KIT: variants seen among roughly 807,000 people sequenced by gnomAD.
The protein encoded by KIT is mast/stem cell growth factor receptor Kit.
Under a neutral mutation model 105.7 loss-of-function variants are expected in KIT, and 16 were observed. The observed-to-expected ratio is 0.15, with a 90% CI of 0.10 to 0.23. The LOEUF (loss-of-function observed/expected upper bound fraction) is 0.23. Ranked by LOEUF, KIT falls within the 10% of genes least tolerant of loss-of-function variation. The pLI is 1.00. For missense variants in KIT, 858 were observed against 1,213.8 expected, an observed-to-expected ratio of 0.71 and a Z score of 4.36; for synonymous variants, 438 against 441.1, an observed-to-expected ratio of 0.99 and a Z score of 0.09.
At chr4:54,706,841 A>G (rs961410108) in intron 5 of KIT, among the ~76,000 whole-genome samples, 4 of 152,164 alleles carry the variant, frequency 2.6e-5, no homozygotes, top group Non-Finnish European at 5.9e-5. Context: ...GACTTTTAAG[A>G]TGGTGATAGA....
At chr4:54,680,291 T>TA (rs1718808872) in intron 1 of KIT, among the ~76,000 whole-genome samples, 1 of 149,248 alleles carries the variant, frequency 6.7e-6, no homozygotes, top group South Asian at 2.1e-4. Context: ...CACTTATCTG[T>TA]GTTTCATTTG....
chr4:54,675,768 A>G (rs1718420228), intron 1 of KIT, among the ~76,000 whole-genome samples: 1 of 152,100 alleles, frequency 6.6e-6, no homozygotes, highest in South Asian at 2.1e-4. Context: ...GCTGTTTTTC[A>G]CTCACTACAA....
rs201405378 is a variant in KIT at position 54,703,901 on chromosome 4, C to T, written c.925+9C>T. 70 of 1,603,234 alleles carry T rather than the reference C, an allele frequency of 4.4e-5. No individual in the cohort carries two copies. In the African/African-American group the frequency reaches 7.4e-4, roughly 17 times the overall value. On this transcript the variant is annotated intron_variant, in intron 5 of 20. Coordinates refer to ENST00000288135, the MANE Select transcript of KIT (RefSeq NM_000222.3). Reference sequence around the variant, plus strand: ...AACCTTGGAAGTAGTAGGTAAATACCTCTATGGGAATGTTTAAATTACTGG... The same window carrying T: ...AACCTTGGAAGTAGTAGGTAAATACTTCTATGGGAATGTTTAAATTACTGG...
intron 1 of KIT, among the ~76,000 whole-genome samples, chr4:54,670,065 C>A (rs1254116315): frequency 6.6e-6 from 1 of 152,156 alleles, no homozygotes; most frequent in Non-Finnish European, 1.5e-5. Context: ...CTTGATTCAA[C>A]AGGTGTTTTT....
intron 3 of KIT, among the ~76,000 whole-genome samples, 187 bp from the exon 4 acceptor site, chr4:54,699,443 T>C (rs1298980743): frequency 6.6e-6 from 1 of 152,178 alleles, no homozygotes; most frequent in Admixed American, 6.5e-5. Flanking sequence ...TCAATTTACT[T>C]GAAGGATGCT....
At chr4:54,709,320 A>G in intron 6 of KIT, 104 bp from the exon 7 acceptor site, 1 of 763,288 alleles carries the variant, frequency 1.3e-6, no homozygotes, top group Non-Finnish European at 2.4e-6. Flanking sequence ...AATGAGTTAT[A>G]TTTTTCCTCA....
chr4:54,690,529 T>A (rs973579405), intron 1 of KIT, among the ~76,000 whole-genome samples: 1 of 152,232 alleles, frequency 6.6e-6, no homozygotes, highest in Admixed American at 6.5e-5. Context: ...TCCAGAGTGT[T>A]GGGTTTTGCC....
chr4:54,707,953 T>C (rs1282944357), intron 6 of KIT, among the ~76,000 whole-genome samples: 3 of 152,172 alleles, frequency 2.0e-5, no homozygotes, highest in Non-Finnish European at 4.4e-5. Flanking sequence ...TAATAAGGGC[T>C]AAGTGCCTGG....
chr4:54,661,824 A>C (rs1717293195), intron 1 of KIT, among the ~76,000 whole-genome samples: 1 of 152,096 alleles, frequency 6.6e-6, no homozygotes, highest in Non-Finnish European at 1.5e-5. Context: ...GTACTTAGAG[A>C]GGAATTGAGT....
chr4:54,669,775 C>G (rs1162228814), intron 1 of KIT, among the ~76,000 whole-genome samples: 2 of 151,248 alleles, frequency 1.3e-5, no homozygotes, highest in African/African-American at 2.4e-5. Flanking sequence ...AGACTTATTT[C>G]AGTTCCATAT....
intron 7 of KIT, among the ~76,000 whole-genome samples, chr4:54,720,074 C>T (rs1031444300): frequency 6.6e-6 from 1 of 152,106 alleles, no homozygotes; most frequent in African/African-American, 2.4e-5. Context: ...TTTTTATGCC[C>T]TGGGTGCTTC....
At chr4:54,706,324 T>C (rs1195272098) in intron 5 of KIT, among the ~76,000 whole-genome samples, 2 of 152,172 alleles carry the variant, frequency 1.3e-5, no homozygotes, top group African/African-American at 4.8e-5. Flanking sequence ...TGCAAAATTA[T>C]TGAGTTTAGT....
At chr4:54,676,787 C>T (rs182676777) in intron 1 of KIT, among the ~76,000 whole-genome samples, 11 of 152,228 alleles carry the variant, frequency 7.2e-5, no homozygotes, top group Admixed American at 3.3e-4. Context: ...GTGGAGTGCA[C>T]GCTGCACCCC....
rs779421107 is a variant in KIT at position 54,658,060 on chromosome 4, C to T, written c.46C>T (p.Leu16=). Residue 16 remains leucine (L), a synonymous_variant, in exon 1 of 21, where the codon CTA becomes TTA. Transcript: ENST00000288135. ...GAWDFLCVLL[L]LLRVQTGSSQ... Reference sequence around the variant, plus strand: ...CTGGGATTTTCTCTGCGTTCTGCTCCTACTGCTTCGCGTCCAGACAGGTGG... The same window carrying T: ...CTGGGATTTTCTCTGCGTTCTGCTCTTACTGCTTCGCGTCCAGACAGGTGG... 4 of 1,613,780 alleles carry T rather than the reference C, an allele frequency of 2.5e-6. No individual in the cohort carries two copies. Among genetic ancestry groups the T allele is most frequent in the South Asian group, 1.1e-5 (1 of 91,076 alleles).
intron 7 of KIT, among the ~76,000 whole-genome samples, chr4:54,715,386 A>G (rs1004036665): frequency 2.1e-5 from 3 of 143,144 alleles, no homozygotes; most frequent in African/African-American, 7.8e-5. Flanking sequence ...AAAAAAAAAA[A>G]TGCCCGGGGC....
intron 1 of KIT, among the ~76,000 whole-genome samples, chr4:54,690,636 A>G (rs867246473): frequency 1.3e-5 from 2 of 152,354 alleles, no homozygotes; most frequent in Non-Finnish European, 1.5e-5. Context: ...TGGGAAGTAC[A>G]TTTGCTAATG....
intron 8 of KIT, among the ~76,000 whole-genome samples, chr4:54,724,049 TATC>T (rs1440831862): frequency 6.6e-6 from 1 of 152,210 alleles, no homozygotes; most frequent in Non-Finnish European, 1.5e-5. Context: ...TGACTGTAGT[TATC>T]ATGAAAAAAT....
intron 14 of KIT, 108 bp downstream of exon 14, chr4:54,729,593 G>A (rs1055554784): frequency 4.0e-5 from 40 of 988,032 alleles, no homozygotes; most frequent in African/African-American, 6.5e-5. Flanking sequence ...GTACTCTGAG[G>A]TATGAAATCA....
intron 5 of KIT, among the ~76,000 whole-genome samples, chr4:54,706,862 A>G (rs1437831943): frequency 1.3e-5 from 2 of 152,190 alleles, no homozygotes; most frequent in African/African-American, 2.4e-5. Flanking sequence ...TCTTTAAGAG[A>G]ATTGCTTAAG....
Sources: gnomAD v4.1 joint callset for allele counts (sites outside exome capture counted in the v4.1 genomes callset) on GRCh38, gnomAD v4.1.1 for gene constraint, MANE v1.5 for transcripts, NCBI Gene and HGNC (gene_info 2026-07-23, HGNC 2026-07-21) for gene names.